The following ILKAP variants were observed in gnomAD, a reference collection of about 807,000 sequenced individuals.
ILKAP encodes integrin-linked kinase-associated serine/threonine phosphatase 2C.
In ILKAP, 11 loss-of-function variants were observed where a neutral mutation model predicts 49.1. The observed-to-expected ratio is 0.22, with a 90% CI of 0.14 to 0.37. ILKAP has a LOEUF of 0.37. Among genes scored for constraint, ILKAP ranks in the 10% least tolerant of loss-of-function variants. The pLI is 1.00. For missense variants in ILKAP, 363 were observed against 510.8 expected (o/e 0.71, Z 2.79); for synonymous variants, 186 against 192.8 (o/e 0.96, Z 0.29).
chr2:238,201,181 GTTTTTT>G (rs34064353), intron 1 of ILKAP, among the ~76,000 whole-genome samples: 1 of 150,906 alleles, frequency 6.6e-6, no homozygotes, highest in Non-Finnish European at 1.5e-5. Context: ...TTCAAAGTAT[GTTTTTT>G]TTTTTTAAAT....
intron 4 of ILKAP, among the ~76,000 whole-genome samples, chr2:238,189,017 A>C (rs1694014515): frequency 6.6e-6 from 1 of 152,214 alleles, no homozygotes; most frequent in Admixed American, 6.5e-5. Flanking sequence ...CAATGCAGTC[A>C]ATGAAAATCC....
rs1168726794 is a variant in ILKAP at position 238,183,746 on chromosome 2, G to A, written c.627-6C>T. 3 of 1,607,952 alleles carry A rather than the reference G, an allele frequency of 1.9e-6. No homozygotes were observed. The highest frequency in any genetic ancestry group is 2.5e-6 in the Non-Finnish European group (3 of 1,176,576). On this transcript the variant is annotated splice_region_variant and splice_polypyrimidine_tract_variant and intron_variant, in intron 7 of 11. Coordinates refer to ENST00000254654, the MANE Select transcript of ILKAP (RefSeq NM_030768.3). ...CATCTTTCCAGGCAGGCTTCCTGGG[G>A]GGAAACACATCAGAAACACAGTCAC...
At chr2:238,179,653 T>C (rs1375001619) in intron 9 of ILKAP, among the ~76,000 whole-genome samples, 2 of 152,124 alleles carry the variant, frequency 1.3e-5, no homozygotes, top group East Asian at 1.9e-4. Flanking sequence ...GTGCTGGGAT[T>C]TGGCAACTTA....
At chr2:238,196,043 CAA>C (rs71043116) in intron 1 of ILKAP, among the ~76,000 whole-genome samples, 7 of 67,868 alleles carry the variant, frequency 1.0e-4, no homozygotes, top group Non-Finnish European at 1.5e-4. Context: ...GACTCTGTCA[CAA>C]AAAAAAAAAA....
chr2:238,170,774 A>C (rs759118123), intron 11 of ILKAP, 98 bp from the exon 12 acceptor site: 1 of 1,583,414 alleles, frequency 6.3e-7, no homozygotes, highest in Non-Finnish European at 8.7e-7. Flanking sequence ...TCTGGTCTCC[A>C]TCAGGGCTGG....
chr2:238,176,685 G>C (rs1308357017), intron 9 of ILKAP, among the ~76,000 whole-genome samples: 1 of 152,140 alleles, frequency 6.6e-6, no homozygotes. Flanking sequence ...AGAGAGACTG[G>C]GTGAGACTGA....
At position 238,170,923 on chromosome 2, in the gene ILKAP, C is replaced by A; in HGVS notation, c.1038+20G>T. On this transcript the variant is annotated intron_variant, in intron 11 of 11. Coordinates refer to ENST00000254654, the MANE Select transcript of ILKAP (RefSeq NM_030768.3). ...AAGACACAATTGGGACAACCACCAC[C>A]CCCGTGTGAGATTTCTCACCTCGAG... 1 of 1,605,432 alleles carries A rather than the reference C, an allele frequency of 6.2e-7. No homozygotes were observed.
At position 238,190,035 on chromosome 2, in the gene ILKAP, A is replaced by G. The variant is rs973234739; in HGVS notation, c.179-63T>C. On this transcript the variant is annotated intron_variant, in intron 3 of 11. Transcript: ENST00000254654. The stretch of plus-strand genomic sequence containing the variant: ...TAGACTGTTGGAAAAAGTCACTAGT[A>G]GACTGGGCTTCATCCTAGCACTCAA... The G allele has an allele frequency of 2.6e-5, 41 of 1,571,384 alleles. 1 individual carries two copies. In the African/African-American group the frequency reaches 3.3e-4, roughly 13 times the overall value.
chr2:238,178,588 T>C (rs1693565887), intron 9 of ILKAP, among the ~76,000 whole-genome samples: 1 of 152,190 alleles, frequency 6.6e-6, no homozygotes, highest in South Asian at 2.1e-4. Flanking sequence ...CTACAAATAT[T>C]AAACCAAAGA....
At chr2:238,203,309 G>T (rs934360068) in intron 1 of ILKAP, among the ~76,000 whole-genome samples, 190 bp downstream of exon 1, 1 of 150,588 alleles carries the variant, frequency 6.6e-6, no homozygotes, top group African/African-American at 2.4e-5. Flanking sequence ...CGAGCTCCGC[G>T]AGCGACCGGG....
intron 11 of ILKAP, 65 bp from the exon 12 acceptor site, chr2:238,170,741 T>C (rs1693178285): frequency 2.0e-5 from 32 of 1,598,154 alleles, no homozygotes; most frequent in Non-Finnish European, 8.6e-7. Context: ...TCCTGAGACA[T>C]GACTGCCAGG....
At chr2:238,180,993 G>A (rs1476705981) in intron 9 of ILKAP, among the ~76,000 whole-genome samples, 4 of 152,226 alleles carry the variant, frequency 2.6e-5, no homozygotes, top group Non-Finnish European at 5.9e-5. Context: ...CAACAGCACT[G>A]CTTGAGGCCT....
intron 10 of ILKAP, among the ~76,000 whole-genome samples, chr2:238,173,077 A>G (rs367953458): frequency 3.9e-5 from 6 of 152,136 alleles, no homozygotes; most frequent in East Asian, 1.9e-4. Flanking sequence ...ATGATCAACT[A>G]AAGTTCAAAC....
intron 9 of ILKAP, among the ~76,000 whole-genome samples, chr2:238,175,987 A>G (rs1006256900): frequency 1.3e-4 from 20 of 152,202 alleles, no homozygotes; most frequent in African/African-American, 4.8e-4. Flanking sequence ...GCGCTACTCT[A>G]GACACAATAG....
intron 4 of ILKAP, among the ~76,000 whole-genome samples, chr2:238,189,153 C>T (rs1032086033): frequency 6.6e-6 from 1 of 152,072 alleles, no homozygotes; most frequent in African/African-American, 2.4e-5. Context: ...CCCGTCTCTA[C>T]TAAAAATACA....
In ILKAP at chr2:238,201,663, G is replaced by A. The variant is rs1168840447; in HGVS notation, c.55+1836C>T. On this transcript the variant is annotated intron_variant, in intron 1 of 11. Coordinates refer to ENST00000254654, the MANE Select transcript of ILKAP (RefSeq NM_030768.3). ...GTTGCCAGGTTTTTTGTCAGTCAAGGGAGCCTGCTCCTGAGCAGAACCTAA... is the reference window on the plus strand; with the variant it reads ...GTTGCCAGGTTTTTTGTCAGTCAAGAGAGCCTGCTCCTGAGCAGAACCTAA... 2.0e-5 allele frequency among the ~76,000 whole-genome samples: 3 copies of A among 152,214 alleles called. No homozygotes were observed. In the East Asian group the frequency reaches 5.8e-4, roughly 29 times the overall value.
At chr2:238,181,672 G>C (rs889679240) in intron 9 of ILKAP, among the ~76,000 whole-genome samples, 2 of 150,902 alleles carry the variant, frequency 1.3e-5, no homozygotes, top group African/African-American at 4.9e-5. Context: ...GCCCAGGCTG[G>C]AGTGCAGTGG....
At chr2:238,182,520 G>A (rs1260578878) in intron 8 of ILKAP, among the ~76,000 whole-genome samples, 3 of 152,182 alleles carry the variant, frequency 2.0e-5, no homozygotes, top group Non-Finnish European at 2.9e-5. Context: ...TTTTGGCCTG[G>A]AGTCTAGAAG....
chr2:238,183,158 C>T (rs1281757825), intron 8 of ILKAP, among the ~76,000 whole-genome samples: 2 of 152,322 alleles, frequency 1.3e-5, no homozygotes, highest in Non-Finnish European at 1.5e-5. Context: ...ACACCCTGGG[C>T]TTTCTCCCTC....
Sources: allele counts gnomAD v4.1 joint callset (sites outside exome capture counted in the v4.1 genomes callset), GRCh38; gene constraint gnomAD v4.1.1; transcripts MANE v1.5; gene names NCBI Gene and HGNC (gene_info 2026-07-23, HGNC 2026-07-21).